Variants in CTCF observed in about 807,000 individuals in gnomAD.
The protein encoded by CTCF is transcriptional repressor CTCF.
In CTCF, 7 loss-of-function variants were observed where a neutral mutation model predicts 72.3. That is an observed-to-expected ratio of 0.10 (90% CI 0.06 to 0.18). The LOEUF (loss-of-function observed/expected upper bound fraction) is 0.18. CTCF is among the 10% of genes least tolerant of loss of function. The probability of loss-of-function intolerance (pLI) is 1.00; values close to 1 mark genes in which losing one functional copy is unlikely to be tolerated. For missense variants in CTCF, 516 were observed against 949.1 expected (o/e 0.54, Z 6.00); for synonymous variants, 374 against 315.8 (o/e 1.18, Z -1.95).
chr16:67,563,125 C>T (rs1461614978), intron 1 of CTCF, among the ~76,000 whole-genome samples: 2 of 152,132 alleles, frequency 1.3e-5, no homozygotes, highest in East Asian at 1.9e-4. Flanking sequence ...GCGGGTGGCC[C>T]CAGCTGAGAC....
rs760399559 is a variant in CTCF at position 67,637,889 on chromosome 16, G to C, written c.*17G>C. The C allele has an allele frequency of 9.4e-6, 15 of 1,591,774 alleles. No homozygotes were observed. Among genetic ancestry groups the C allele is most frequent in the Non-Finnish European group, 1.3e-5 (15 of 1,166,878 alleles). On this transcript the variant is annotated 3_prime_UTR_variant, in exon 12 of 12. Transcript: ENST00000264010. ...GACCGGTGATGGCGGAGCCTTGTGCGTCGCCAGGACTTCTCTGGGCTGTGT... is the reference window on the plus strand; with the variant it reads ...GACCGGTGATGGCGGAGCCTTGTGCCTCGCCAGGACTTCTCTGGGCTGTGT...
intron 1 of CTCF, among the ~76,000 whole-genome samples, chr16:67,569,441 C>T (rs538382095): frequency 3.3e-5 from 5 of 152,232 alleles, no homozygotes; most frequent in Admixed American, 3.3e-4. Flanking sequence ...GCTTTGGCCT[C>T]CCAAAGTGCT....
intron 2 of CTCF, among the ~76,000 whole-genome samples, chr16:67,590,632 C>T (rs1448905049): frequency 2.6e-5 from 4 of 151,612 alleles, no homozygotes; most frequent in Admixed American, 6.6e-5. Context: ...CCACCGTGCC[C>T]GGCCCTAACT....
At position 67,626,619 on chromosome 16, in the gene CTCF, T is replaced by C. The variant is rs746249639; in HGVS notation, c.1422T>C (p.Ala474=). The C allele has an allele frequency of 2.5e-6, 4 of 1,577,652 alleles. No homozygotes were observed. Among genetic ancestry groups the C allele is most frequent in the Non-Finnish European group, 3.4e-6 (4 of 1,161,106 alleles). ...EQGKKCRYCD[A]VFHERYALIQ... is the part of the protein sequence containing the mutation. ...GCAAGAAATGCCGTTACTGTGATGC[T>C]GTGTTTCATGAGCGCTATGCCCTCA... The change falls in exon 8 of 12, where the codon GCT becomes GCC. Residue 474 remains alanine, a synonymous_variant. Coordinates refer to ENST00000264010, the MANE Select transcript of CTCF (RefSeq NM_006565.4).
At chr16:67,591,426 C>T (rs1246004261) in intron 2 of CTCF, among the ~76,000 whole-genome samples, 1 of 152,210 alleles carries the variant, frequency 6.6e-6, no homozygotes, top group African/African-American at 2.4e-5. Flanking sequence ...TTTTCTGCTT[C>T]TCAGCCCAAG....
chr16:67,576,087 G>A (rs998693691), intron 2 of CTCF, among the ~76,000 whole-genome samples: 6 of 148,052 alleles, frequency 4.1e-5, no homozygotes, highest in African/African-American at 1.5e-4. Flanking sequence ...CCTGAGCCCA[G>A]GAGGTTAAGG....
intron 10 of CTCF, among the ~76,000 whole-genome samples, chr16:67,629,986 C>T (rs539881248): frequency 1.5e-4 from 23 of 151,540 alleles, no homozygotes; most frequent in Non-Finnish European, 3.1e-4. Flanking sequence ...CCGTGTTAGC[C>T]AGAATGGTCT....
intron 2 of CTCF, among the ~76,000 whole-genome samples, chr16:67,599,210 C>T (rs1190806821): frequency 1.3e-5 from 2 of 152,112 alleles, no homozygotes; most frequent in African/African-American, 2.4e-5. Context: ...TCCTGGCCAA[C>T]GTGGTGAAAC....
intron 2 of CTCF, among the ~76,000 whole-genome samples, chr16:67,580,772 A>ATTTTTTT: frequency 8.3e-6 from 1 of 120,166 alleles, no homozygotes; most frequent in African/African-American, 3.5e-5. Flanking sequence ...GCCTGGCCAA[A>ATTTTTTT]TTTTTTTTTT....
At chr16:67,622,049 G>A (rs1041188956) in intron 7 of CTCF, among the ~76,000 whole-genome samples, 2 of 152,046 alleles carry the variant, frequency 1.3e-5, no homozygotes, top group African/African-American at 2.4e-5. Flanking sequence ...ACATGCAGCC[G>A]GAGTTTATTA....
intron 2 of CTCF, among the ~76,000 whole-genome samples, chr16:67,575,109 C>T (rs965254123): frequency 3.3e-5 from 5 of 152,052 alleles, no homozygotes; most frequent in South Asian, 2.1e-4. Flanking sequence ...TTTAGTCACG[C>T]GTTGTGTTGC....
chr16:67,581,212 G>A (rs948551042), intron 2 of CTCF, among the ~76,000 whole-genome samples: 7 of 152,306 alleles, frequency 4.6e-5, no homozygotes, highest in African/African-American at 1.7e-4. Flanking sequence ...ACAGGCGTGA[G>A]CCACTGCACC....
At chr16:67,565,787 A>G (rs1010735714) in intron 1 of CTCF, among the ~76,000 whole-genome samples, 2 of 140,452 alleles carry the variant, frequency 1.4e-5, no homozygotes, top group African/African-American at 3.3e-5. Flanking sequence ...TCAAATTCTA[A>G]GAGCTTTAGG....
chr16:67,574,803 C>T (rs985386810), intron 2 of CTCF, among the ~76,000 whole-genome samples: 25 of 151,612 alleles, frequency 1.6e-4, no homozygotes, highest in African/African-American at 5.6e-4. Context: ...AGACTACATG[C>T]GCCCACCACC....
At chr16:67,629,639 T>C in intron 10 of CTCF, 106 bp downstream of exon 10, 1 of 1,106,288 alleles carries the variant, frequency 9.0e-7, no homozygotes, top group Non-Finnish European at 1.2e-6. Context: ...GCACACACTC[T>C]TCCTTTCTTT....
At chr16:67,624,071 A>ATGTGTGTG (rs58387336) in intron 7 of CTCF, among the ~76,000 whole-genome samples, 2,781 of 117,502 alleles carry the variant, frequency 0.024, 44 homozygotes, top group East Asian at 0.031. Context: ...AAAATTATAT[A>ATGTGTGTG]TGTGTGTGTG....
chr16:67,626,617 G>T lies in CTCF; in HGVS notation c.1420G>T (p.Ala474Ser), dbSNP rs1469047711. The T allele has an allele frequency of 6.3e-7, 1 of 1,577,536 alleles. No homozygotes were observed. The highest frequency in any genetic ancestry group is 1.2e-5 in the South Asian group (1 of 86,656). Residue 474 changes from alanine (A) to serine (S), a missense_variant, in exon 8 of 12, where the codon GCT (alanine) becomes TCT (serine). By Grantham distance (99) the Ala-to-Ser change is moderately conservative. Transcript: ENST00000264010. Reference protein sequence around the residue: ...EQGKKCRYCDAVFHERYALIQ... With the variant: ...EQGKKCRYCDSVFHERYALIQ... ...AGGCAAGAAATGCCGTTACTGTGAT[G>T]CTGTGTTTCATGAGCGCTATGCCCT... is the stretch of plus-strand genomic sequence containing the variant.
chr16:67,635,327 GTTTT>G, intron 10 of CTCF, among the ~76,000 whole-genome samples: 1 of 148,674 alleles, frequency 6.7e-6, no homozygotes, highest in East Asian at 2.1e-4. Flanking sequence ...GCCACCTTTT[GTTTT>G]TTTGTTTTTT....
At chr16:67,569,160 A>G (rs1015151732) in intron 1 of CTCF, among the ~76,000 whole-genome samples, 1 of 146,614 alleles carries the variant, frequency 6.8e-6, no homozygotes, top group Non-Finnish European at 1.5e-5. Flanking sequence ...ACTTAGTTCA[A>G]ATTTAGCTCT....
Sources: gnomAD v4.1 joint callset for allele counts (sites outside exome capture counted in the v4.1 genomes callset) on GRCh38, gnomAD v4.1.1 for gene constraint, MANE v1.5 for transcripts, NCBI Gene and HGNC (gene_info 2026-07-23, HGNC 2026-07-21) for gene names.